Variants in DLG2 observed in about 807,000 individuals in gnomAD.
DLG2 encodes the protein discs large MAGUK scaffold protein 2.
A neutral mutation model predicts 132.5 loss-of-function variants in DLG2; 45 were observed. That is an observed-to-expected ratio of 0.34 (90% confidence interval 0.27 to 0.44). The LOEUF (loss-of-function observed/expected upper bound fraction) is 0.44. Ranked by LOEUF, DLG2 falls within the 20% of genes least tolerant of loss-of-function variation. The pLI, the probability that DLG2 is intolerant of heterozygous loss-of-function variation, is 1.00. For missense variants in DLG2, 1,045 were observed against 1,196.9 expected (o/e 0.87, Z 1.87); for synonymous variants, 424 against 419.6 (o/e 1.01, Z -0.13).
At chr11:83,912,058 T>G (rs1164562809) in intron 15 of DLG2, among the ~76,000 whole-genome samples, 1 of 152,022 alleles carries the variant, frequency 6.6e-6, no homozygotes, top group Non-Finnish European at 1.5e-5. Flanking sequence ...TGCACTTATA[T>G]ACTCTCACTT....
intron 6 of DLG2, among the ~76,000 whole-genome samples, chr11:84,933,252 C>G (rs2048312991): frequency 6.6e-6 from 1 of 152,166 alleles, no homozygotes; most frequent in Non-Finnish European, 1.5e-5. Context: ...CAGTACCATC[C>G]TCTTTCAGTT....
At position 83,693,476 on chromosome 11, in the gene DLG2, C is replaced by T. The variant is rs182153782; in HGVS notation, c.1826-60151G>A. 3.6e-3 allele frequency among the ~76,000 whole-genome samples: 541 copies of T among 152,116 alleles called. 4 individuals are homozygous for T. Among genetic ancestry groups the T allele is most frequent in the African/African-American group, 0.012 (505 of 41,514 alleles). On this transcript the variant is annotated intron_variant, in intron 18 of 27. Coordinates refer to ENST00000376104, the MANE Select transcript of DLG2 (RefSeq NM_001142699.3). ...GCATAGCAGTAGGGTGTGGGAACGG[C>T]GAAGGCAGCTCTGTGCCTGCTGCTC...
intron 7 of DLG2, among the ~76,000 whole-genome samples, chr11:84,433,348 A>G (rs936074526): frequency 6.6e-6 from 1 of 152,190 alleles, no homozygotes; most frequent in Non-Finnish European, 1.5e-5. Flanking sequence ...ATTTATCTTA[A>G]AGATTCTTCA....
At chr11:83,507,035 C>T (rs2094739039) in intron 21 of DLG2, among the ~76,000 whole-genome samples, 1 of 152,136 alleles carries the variant, frequency 6.6e-6, no homozygotes, top group Admixed American at 6.6e-5. Flanking sequence ...TCTTTCATCA[C>T]TTTGTCTACT....
chr11:85,255,694 G>T (rs1048155512), intron 4 of DLG2, among the ~76,000 whole-genome samples: 1 of 152,112 alleles, frequency 6.6e-6, no homozygotes, highest in African/African-American at 2.4e-5. Context: ...ATTTGAAAAT[G>T]ACTTCTAATT....
At chr11:84,928,982 G>GTGTGTGTGTATA (rs1400906684) in intron 6 of DLG2, among the ~76,000 whole-genome samples, 36 of 49,112 alleles carry the variant, frequency 7.3e-4, no homozygotes, top group African/African-American at 1.7e-3. Flanking sequence ...GTGTGTGTGT[G>GTGTGTGTGTATA]TATATATATA....
intron 6 of DLG2, among the ~76,000 whole-genome samples, chr11:85,082,735 C>CTTTTTTTTTT (rs71036458): frequency 2.2e-4 from 25 of 113,364 alleles, no homozygotes; most frequent in Non-Finnish European, 3.4e-4. Flanking sequence ...TCTTTTCTTT[C>CTTTTTTTTTT]TTTTTTTTTT....
chr11:85,221,871 T>C (rs2074666689), intron 4 of DLG2, among the ~76,000 whole-genome samples: 1 of 152,164 alleles, frequency 6.6e-6, no homozygotes, highest in African/African-American at 2.4e-5. Flanking sequence ...TGTGTAATTT[T>C]CCCAAAAACC....
At chr11:84,066,422 C>T (rs187299426) in intron 10 of DLG2, among the ~76,000 whole-genome samples, 1 of 152,256 alleles carries the variant, frequency 6.6e-6, no homozygotes, top group East Asian at 1.9e-4. Flanking sequence ...CTTAACTCAA[C>T]CACACCTAAC....
intron 8 of DLG2, among the ~76,000 whole-genome samples, chr11:84,239,075 C>T (rs1202626398): frequency 6.6e-6 from 1 of 152,144 alleles, no homozygotes; most frequent in Non-Finnish European, 1.5e-5. Flanking sequence ...TCTATTAAAA[C>T]AGTCAAATTC....
intron 16 of DLG2, among the ~76,000 whole-genome samples, chr11:83,858,953 G>A (rs986798364): frequency 6.6e-6 from 1 of 152,162 alleles, no homozygotes; most frequent in Admixed American, 6.5e-5. Flanking sequence ...GTTTGGCCGT[G>A]TCCCCACTCA....
intron 3 of DLG2, among the ~76,000 whole-genome samples, chr11:85,500,669 T>C (rs751757607): frequency 6.6e-5 from 10 of 152,190 alleles, no homozygotes; most frequent in Non-Finnish European, 1.0e-4. Context: ...CCATTCACAA[T>C]TGCTCCTAAG....
At chr11:84,136,199 C>A (rs920046047) in intron 9 of DLG2, among the ~76,000 whole-genome samples, 2 of 152,130 alleles carry the variant, frequency 1.3e-5, no homozygotes, top group African/African-American at 4.8e-5. Context: ...GCCTTAGTTT[C>A]TTCATCTGTA....
chr11:85,583,480 C>A (rs904793289), intron 3 of DLG2, among the ~76,000 whole-genome samples: 1 of 151,704 alleles, frequency 6.6e-6, no homozygotes, highest in African/African-American at 2.4e-5. Flanking sequence ...AACCACCATG[C>A]CTGGACTGAA....
chr11:85,069,785 C>T (rs1442213649), intron 6 of DLG2, among the ~76,000 whole-genome samples: 3 of 152,140 alleles, frequency 2.0e-5, no homozygotes, highest in South Asian at 4.1e-4. Context: ...CCATTTGACC[C>T]AGCCATCCCA....
At chr11:83,758,028 A>T (rs2093725386) in intron 18 of DLG2, among the ~76,000 whole-genome samples, 1 of 152,234 alleles carries the variant, frequency 6.6e-6, no homozygotes, top group South Asian at 2.1e-4. Flanking sequence ...AATTTAGGCT[A>T]GAAATGGTTA....
At chr11:83,941,336 C>CT (rs1258324214) in intron 14 of DLG2, among the ~76,000 whole-genome samples, 2 of 133,220 alleles carry the variant, frequency 1.5e-5, no homozygotes, top group African/African-American at 5.0e-5. Flanking sequence ...CTTGTTTACT[C>CT]TGACTCTCCC....
chr11:84,456,558 C>T (rs1328162528), intron 7 of DLG2, among the ~76,000 whole-genome samples: 5 of 151,300 alleles, frequency 3.3e-5, no homozygotes, highest in Admixed American at 2.0e-4. Context: ...AAAAACACCA[C>T]ATACATTATC....
intron 8 of DLG2, among the ~76,000 whole-genome samples, chr11:84,170,167 T>A (rs981550979): frequency 6.6e-6 from 1 of 152,182 alleles, no homozygotes; most frequent in Non-Finnish European, 1.5e-5. Flanking sequence ...AATTGAGTTG[T>A]GTTTAAACTG....
Sources: allele counts gnomAD v4.1 joint callset (sites outside exome capture counted in the v4.1 genomes callset), GRCh38; gene constraint gnomAD v4.1.1; transcripts MANE v1.5; gene names NCBI Gene and HGNC (gene_info 2026-07-23, HGNC 2026-07-21).